CSMD1: variants seen among roughly 807,000 people sequenced by gnomAD.
CSMD1 encodes CUB and Sushi multiple domains 1, also known as CUB and sushi domain-containing protein 1.
In CSMD1, 213 loss-of-function variants were observed where a neutral mutation model predicts 417.5. The observed-to-expected ratio is 0.51, with a 90% CI of 0.46 to 0.57. The LOEUF is 0.57. Ranked by LOEUF, CSMD1 falls within the 20% of genes least tolerant of loss-of-function variation. CSMD1 has a pLI of 0.00. For missense variants in CSMD1, 6,923 were observed against 4,529.7 expected, an observed-to-expected ratio of 1.53 and a Z score of -15.17; for synonymous variants, 2,862 against 1,736.8, an observed-to-expected ratio of 1.65 and a Z score of -16.11.
intron 29 of CSMD1, among the ~76,000 whole-genome samples, chr8:3,218,666 G>C (rs142728037): frequency 0.056 from 8,556 of 152,074 alleles, 324 homozygotes; most frequent in Non-Finnish European, 0.08. Flanking sequence ...GAGGTCAGGA[G>C]ATCGAGACCA....
intron 37 of CSMD1, among the ~76,000 whole-genome samples, chr8:3,166,678 G>C (rs1423122085): frequency 6.6e-6 from 1 of 151,918 alleles, no homozygotes; most frequent in African/African-American, 2.4e-5. Context: ...ATAAATAATG[G>C]GCAAACCTAT....
intron 18 of CSMD1, chr8:3,375,083 G>C (rs1243614571): frequency 2.0e-5 from 3 of 152,100 alleles, no homozygotes; most frequent in African/African-American, 2.4e-5. Context: ...CACCTCCACG[G>C]TGCCCAACTG....
chr8:4,906,249 C>A (rs958064268), intron 1 of CSMD1, among the ~76,000 whole-genome samples: 2 of 152,180 alleles, frequency 1.3e-5, no homozygotes, highest in African/African-American at 2.4e-5. Flanking sequence ...GATGACACTT[C>A]CTGAACTCTT....
intron 6 of CSMD1, among the ~76,000 whole-genome samples, chr8:3,727,679 A>G (rs1371750512): frequency 1.3e-5 from 2 of 152,366 alleles, no homozygotes; most frequent in South Asian, 2.1e-4. Flanking sequence ...AGTTTAAAAC[A>G]GCATTATTTA....
intron 3 of CSMD1, among the ~76,000 whole-genome samples, chr8:4,177,327 A>C (rs893326332): frequency 1.3e-5 from 2 of 152,138 alleles, no homozygotes; most frequent in Admixed American, 1.3e-4. Flanking sequence ...CTCCTGAATG[A>C]ATACTGGGTA....
chr8:4,696,980 T>G (rs1807177064), intron 1 of CSMD1, among the ~76,000 whole-genome samples: 1 of 152,150 alleles, frequency 6.6e-6, no homozygotes, highest in Non-Finnish European at 1.5e-5. Context: ...AAGACCAGCC[T>G]GACGAACATG....
intron 30 of CSMD1, among the ~76,000 whole-genome samples, chr8:3,213,022 G>A (rs1300137354): frequency 6.6e-6 from 1 of 151,682 alleles, no homozygotes; most frequent in East Asian, 2.0e-4. Context: ...TAGAAAGGGG[G>A]TTTCTCCATG....
intron 27 of CSMD1, among the ~76,000 whole-genome samples, chr8:3,225,391 C>CTTT (rs113674126): frequency 6.9e-6 from 1 of 145,670 alleles, no homozygotes; most frequent in African/African-American, 2.5e-5. Flanking sequence ...CCCAGTATGA[C>CTTT]TTTTTTTTTT....
intron 3 of CSMD1, among the ~76,000 whole-genome samples, chr8:4,218,470 A>C (rs1482850745): frequency 3.3e-5 from 5 of 152,204 alleles, no homozygotes; most frequent in Non-Finnish European, 5.9e-5. Flanking sequence ...TGAAAGTCTC[A>C]ACCTCCACTT....
At chr8:4,134,683 G>A (rs1027806333) in intron 3 of CSMD1, among the ~76,000 whole-genome samples, 4 of 151,988 alleles carry the variant, frequency 2.6e-5, no homozygotes, top group South Asian at 2.1e-4. Context: ...CATCCCTACC[G>A]CCTTTGATTT....
At chr8:4,338,733 G>A (rs1204964893) in intron 3 of CSMD1, among the ~76,000 whole-genome samples, 1 of 151,704 alleles carries the variant, frequency 6.6e-6, no homozygotes. Flanking sequence ...GATTTTTTTC[G>A]CCTAATTCAT....
intron 5 of CSMD1, among the ~76,000 whole-genome samples, chr8:3,908,082 C>G (rs1732289820): frequency 1.3e-5 from 2 of 152,206 alleles, no homozygotes; most frequent in South Asian, 4.2e-4. Context: ...CACTGGAGGT[C>G]AAAGCCCTAA....
At chr8:4,061,586 G>C (rs1220311937) in intron 3 of CSMD1, among the ~76,000 whole-genome samples, 1 of 152,184 alleles carries the variant, frequency 6.6e-6, no homozygotes, top group Non-Finnish European at 1.5e-5. Flanking sequence ...TGGTAAGGAA[G>C]TTGTCTGGTT....
At chr8:4,696,015 G>C (rs1287167067) in intron 1 of CSMD1, among the ~76,000 whole-genome samples, 1 of 152,192 alleles carries the variant, frequency 6.6e-6, no homozygotes, top group Admixed American at 6.5e-5. Context: ...CTGCACATTA[G>C]TCAGGAGACT....
At chr8:4,160,396 T>G (rs1797082486) in intron 3 of CSMD1, among the ~76,000 whole-genome samples, 1 of 152,304 alleles carries the variant, frequency 6.6e-6, no homozygotes, top group South Asian at 2.1e-4. Context: ...TGTTGACATA[T>G]ATATACGCAA....
At chr8:3,141,457 G>A (rs1818472892) in intron 41 of CSMD1, among the ~76,000 whole-genome samples, 1 of 152,124 alleles carries the variant, frequency 6.6e-6, no homozygotes, top group Admixed American at 6.5e-5. Context: ...CTTCTTGCCT[G>A]GGGACCAGTC....
chr8:3,847,260 T>TA (rs1486766064), intron 5 of CSMD1, among the ~76,000 whole-genome samples: 2 of 152,190 alleles, frequency 1.3e-5, no homozygotes, highest in Non-Finnish European at 2.9e-5. Flanking sequence ...GAAAGGTCCC[T>TA]AATCAGTTGA....
intron 39 of CSMD1, among the ~76,000 whole-genome samples, chr8:3,155,279 T>C (rs1292306436): frequency 6.6e-6 from 1 of 151,560 alleles, no homozygotes; most frequent in African/African-American, 2.4e-5. Flanking sequence ...GGCAGATTGA[T>C]GTTCTGTATG....
At chr8:3,198,754 C>G in intron 33 of CSMD1, among the ~76,000 whole-genome samples, 1 of 152,212 alleles carries the variant, frequency 6.6e-6, no homozygotes, top group South Asian at 2.1e-4. Flanking sequence ...TTATACTCCA[C>G]CTTTTTAAAA....
Sources: gnomAD v4.1 joint callset for allele counts (sites outside exome capture counted in the v4.1 genomes callset) on GRCh38, gnomAD v4.1.1 for gene constraint, MANE v1.5 for transcripts, NCBI Gene and HGNC (gene_info 2026-07-23, HGNC 2026-07-21) for gene names.